Variants in SLC9A9 observed in about 807,000 individuals in gnomAD.
SLC9A9 encodes solute carrier family 9 member A9.
In SLC9A9, 62 loss-of-function variants were observed where a neutral mutation model predicts 77.8. That is an observed-to-expected ratio of 0.80 (90% CI 0.65 to 0.98). The LOEUF is 0.98. Ranked by LOEUF, SLC9A9 falls within the 50% of genes least tolerant of loss-of-function variation. The pLI, the probability that SLC9A9 is intolerant of heterozygous loss-of-function variation, is 0.00. For missense variants in SLC9A9, 775 were observed against 774.9 expected, an observed-to-expected ratio of 1.00 and a Z score of 0.00; for synonymous variants, 320 against 283.5, an observed-to-expected ratio of 1.13 and a Z score of -1.29.
At chr3:143,333,506 G>A (rs6440164) in intron 14 of SLC9A9, among the ~76,000 whole-genome samples, 86,580 of 152,004 alleles carry the variant, frequency 0.57, 26,246 homozygotes, top group African/African-American at 0.77. Flanking sequence ...GCCAGCACCC[G>A]TGCTATGCAT....
In SLC9A9 at chr3:143,773,487, T is replaced by C. The variant is rs557265321; in HGVS notation, c.533+21514A>G. Reference sequence around the variant, plus strand: ...TTTATGTAATCTAATTTTTACTTTTTCTTTTTTTTTTTTTGAAATGGGGTT... The same window carrying C: ...TTTATGTAATCTAATTTTTACTTTTCCTTTTTTTTTTTTTGAAATGGGGTT... On this transcript the variant is annotated intron_variant, in intron 4 of 15. Transcript: ENST00000316549. Among the ~76,000 whole-genome samples, 9 of 151,112 alleles carry C rather than the reference T, an allele frequency of 6.0e-5. No homozygotes were observed. The South Asian group carries it at 1.5e-3, about 24-fold the overall frequency.
At chr3:143,500,655 G>A (rs1017811797) in intron 9 of SLC9A9, among the ~76,000 whole-genome samples, 1 of 151,926 alleles carries the variant, frequency 6.6e-6, no homozygotes, top group Non-Finnish European at 1.5e-5. Flanking sequence ...AGCTCTTCTT[G>A]TATGTATATT....
intron 12 of SLC9A9, among the ~76,000 whole-genome samples, chr3:143,418,369 T>C (rs2034235814): frequency 6.6e-6 from 1 of 152,054 alleles, no homozygotes. Flanking sequence ...GTGTTGGCTC[T>C]TTTTTGCTGC....
intron 15 of SLC9A9, among the ~76,000 whole-genome samples, chr3:143,267,646 C>T (rs1202750993): frequency 6.6e-6 from 1 of 152,182 alleles, no homozygotes; most frequent in Non-Finnish European, 1.5e-5. Flanking sequence ...AGCCACCACG[C>T]CTGGCCTCCT....
chr3:143,387,706 TC>T (rs1411269703), intron 12 of SLC9A9, among the ~76,000 whole-genome samples: 1 of 151,916 alleles, frequency 6.6e-6, no homozygotes, highest in Non-Finnish European at 1.5e-5. Flanking sequence ...CACCCTCCCT[TC>T]CTATTGCACT....
chr3:143,682,521 A>G (rs1459225872), intron 5 of SLC9A9, among the ~76,000 whole-genome samples: 1 of 152,164 alleles, frequency 6.6e-6, no homozygotes, highest in Non-Finnish European at 1.5e-5. Flanking sequence ...TATATATTTT[A>G]TAATATTTAA....
intron 6 of SLC9A9, among the ~76,000 whole-genome samples, chr3:143,630,426 T>G (rs904683903): frequency 2.0e-5 from 3 of 152,214 alleles, no homozygotes; most frequent in Admixed American, 6.5e-5. Context: ...AATTGTCTTT[T>G]TGCTCTGAAC....
chr3:143,290,192 G>A (rs892399178), intron 14 of SLC9A9, among the ~76,000 whole-genome samples: 2 of 152,108 alleles, frequency 1.3e-5, no homozygotes, highest in East Asian at 3.9e-4. Flanking sequence ...AGTTAAAGGG[G>A]GCACCTGTAC....
At chr3:143,325,371 A>C (rs1250721417) in intron 14 of SLC9A9, among the ~76,000 whole-genome samples, 1 of 152,256 alleles carries the variant, frequency 6.6e-6, no homozygotes, top group Non-Finnish European at 1.5e-5. Flanking sequence ...GATCAGTGGA[A>C]CACAATCAAC....
At chr3:143,705,077 T>C (rs1030697127) in intron 4 of SLC9A9, among the ~76,000 whole-genome samples, 1 of 130,916 alleles carries the variant, frequency 7.6e-6, no homozygotes, top group Admixed American at 7.8e-5. Flanking sequence ...ATATATATAT[T>C]ATGATACATA....
chr3:143,527,005 TGG>T (rs1559953702), intron 9 of SLC9A9, among the ~76,000 whole-genome samples: 1 of 152,228 alleles, frequency 6.6e-6, no homozygotes, highest in African/African-American at 2.4e-5. Context: ...TTAGGTTTAC[TGG>T]AGAGCTCTAT....
intron 4 of SLC9A9, among the ~76,000 whole-genome samples, chr3:143,712,741 A>G (rs1355801289): frequency 6.6e-6 from 1 of 152,240 alleles, no homozygotes; most frequent in Non-Finnish European, 1.5e-5. Context: ...TCAAAGAACC[A>G]GTGAGTTGAG....
chr3:143,363,906 T>C (rs2108484517), intron 13 of SLC9A9, among the ~76,000 whole-genome samples: 1 of 152,356 alleles, frequency 6.6e-6, no homozygotes. Flanking sequence ...GGATGATATT[T>C]ATTTATGGAT....
chr3:143,532,359 A>G (rs992171364), intron 9 of SLC9A9, among the ~76,000 whole-genome samples: 26 of 152,236 alleles, frequency 1.7e-4, no homozygotes, highest in African/African-American at 6.3e-4. Context: ...AATTCATACA[A>G]ACAAAAACTC....
At chr3:143,538,443 A>G (rs2108627767) in intron 9 of SLC9A9, among the ~76,000 whole-genome samples, 1 of 152,354 alleles carries the variant, frequency 6.6e-6, no homozygotes, top group East Asian at 1.9e-4. Flanking sequence ...TGTCGTAATA[A>G]TGGATCACTA....
intron 6 of SLC9A9, among the ~76,000 whole-genome samples, chr3:143,593,560 T>C (rs1403607067): frequency 5.3e-5 from 8 of 152,072 alleles, no homozygotes; most frequent in African/African-American, 2.4e-5. Context: ...AACATGCAAA[T>C]AGAAACAGAG....
intron 4 of SLC9A9, among the ~76,000 whole-genome samples, chr3:143,705,856 G>A (rs1425906813): frequency 6.6e-6 from 1 of 152,206 alleles, no homozygotes; most frequent in East Asian, 1.9e-4. Context: ...CTAGGTCCAT[G>A]AAGAATGCAA....
intron 4 of SLC9A9, among the ~76,000 whole-genome samples, chr3:143,747,916 C>T (rs1456023672): frequency 1.3e-5 from 2 of 152,096 alleles, no homozygotes; most frequent in African/African-American, 4.8e-5. Context: ...GGGTAGGGAG[C>T]GCTCCCATCT....
At chr3:143,304,939 C>T (rs1376571668) in intron 14 of SLC9A9, among the ~76,000 whole-genome samples, 1 of 152,146 alleles carries the variant, frequency 6.6e-6, no homozygotes, top group Admixed American at 6.5e-5. Flanking sequence ...GTGTTTATAA[C>T]TCAGGGTCAA....
Sources: allele counts gnomAD v4.1 joint callset (sites outside exome capture counted in the v4.1 genomes callset), GRCh38; gene constraint gnomAD v4.1.1; transcripts MANE v1.5; gene names NCBI Gene and HGNC (gene_info 2026-07-23, HGNC 2026-07-21).